PLCG1: variants seen among roughly 807,000 people sequenced by gnomAD.
The protein encoded by PLCG1 is phospholipase C gamma 1.
PLCG1 carries 71 observed loss-of-function variants against 177.8 expected under a neutral mutation model. That is an observed-to-expected ratio of 0.40 (90% confidence interval 0.33 to 0.49). The LOEUF (loss-of-function observed/expected upper bound fraction) is 0.49, where lower values mean the gene tolerates loss of function less well. PLCG1 is among the 20% of genes least tolerant of loss of function. The pLI, the probability that PLCG1 is intolerant of heterozygous loss-of-function variation, is 0.72. For missense variants in PLCG1, 1,281 were observed against 1,709.0 expected (o/e 0.75, Z 4.42); for synonymous variants, 658 against 647.9 (o/e 1.02, Z -0.24).
intron 1 of PLCG1, among the ~76,000 whole-genome samples, chr20:41,142,531 C>T (rs2034863140): frequency 6.6e-6 from 1 of 152,142 alleles, no homozygotes; most frequent in Non-Finnish European, 1.5e-5. Flanking sequence ...AGGGCCCAGA[C>T]AAGACCTTCT....
intron 1 of PLCG1, among the ~76,000 whole-genome samples, chr20:41,154,124 T>G (rs2035247862): frequency 6.6e-6 from 1 of 152,168 alleles, no homozygotes; most frequent in Admixed American, 6.5e-5. Context: ...ATGAAGAAAA[T>G]GAGGCTCAGA....
intron 1 of PLCG1, among the ~76,000 whole-genome samples, chr20:41,142,246 G>T (rs1195602553): frequency 6.6e-6 from 1 of 152,254 alleles, no homozygotes; most frequent in Non-Finnish European, 1.5e-5. Context: ...CTGTGCCGAG[G>T]CTAAGGAACT....
At chr20:41,162,224 G>GTTTTT in intron 4 of PLCG1, 1 of 314,330 alleles carries the variant, frequency 3.2e-6, no homozygotes, top group Admixed American at 5.2e-5. Flanking sequence ...TTTTTTGTTT[G>GTTTTT]TTTTGTTTTT....
In PLCG1 at chr20:41,165,134, A is replaced by G; in HGVS notation, c.1386+33A>G. ...GGCGGGCTTATTGCGGAAGCCCCAC[A>G]CTTCTCAGTGCCTTGCCCAGGCCAT... On this transcript the variant is annotated intron_variant, in intron 13 of 31. Coordinates refer to ENST00000685551, the MANE Select transcript of PLCG1 (RefSeq NM_002660.3). The surrounding 1 kb of genome is among the most constrained non-coding windows in gnomAD (Gnocchi z 6.6). 1 of 1,606,028 alleles carries G rather than the reference A, an allele frequency of 6.2e-7. No individual in the cohort carries two copies. The highest frequency in any genetic ancestry group is 8.5e-7 in the Non-Finnish European group (1 of 1,175,010).
Position 41,147,690 on chromosome 20 carries a change from A to C in PLCG1, c.217+9832A>C, listed in dbSNP as rs1043833274. On this transcript the variant is annotated intron_variant, in intron 1 of 31. Transcript: ENST00000685551. This position sits in a 1 kb window ranked among gnomAD's most constrained non-coding sequence, Gnocchi z 4.0. Reference sequence around the variant, plus strand: ...ATGGTGAAATCCCATCTCTACTAAAAATACAAAAATTAACCAGGCGTGGTG... The same window carrying C: ...ATGGTGAAATCCCATCTCTACTAAACATACAAAAATTAACCAGGCGTGGTG... 6.6e-6 allele frequency among the ~76,000 whole-genome samples: 1 copy of C among 152,128 alleles called. No individual in the cohort carries two copies. The highest frequency in any genetic ancestry group is 1.9e-4 in the East Asian group (1 of 5,192).
Position 41,166,804 on chromosome 20 carries a change from A to C in PLCG1, c.2246A>C (p.Lys749Thr). The change falls in exon 19 of 32, where the codon AAG (lysine) becomes ACG (threonine). Residue 749 changes from lysine to threonine, a missense_variant. This residue lies in a region of PLCG1 where 723 missense variants were observed against 1,030.0 expected (regional missense o/e 0.70). Transcript: ENST00000685551. The surrounding 1 kb of genome is among the most constrained non-coding windows in gnomAD (Gnocchi z 8.6). ...SYYEKHPLYR[K>T]MKLRYPINEE... ...TATGAGAAACACCCGCTATACCGCAAGATGAAGCTGCGCTATCCCATCAAC... is the reference window on the plus strand; with the variant it reads ...TATGAGAAACACCCGCTATACCGCACGATGAAGCTGCGCTATCCCATCAAC... 1 of 1,614,198 alleles carries C rather than the reference A, an allele frequency of 6.2e-7. No individual in the cohort carries two copies. The highest frequency in any genetic ancestry group is 8.5e-7 in the Non-Finnish European group (1 of 1,180,032).
intron 1 of PLCG1, among the ~76,000 whole-genome samples, chr20:41,155,613 C>T (rs2035296363): frequency 6.6e-6 from 1 of 152,152 alleles, no homozygotes; most frequent in Non-Finnish European, 1.5e-5. Context: ...TTTGAGCTGG[C>T]GAAATAGCTG....
intron 23 of PLCG1, 104 bp downstream of exon 23, chr20:41,169,630 G>A (rs923984028): frequency 1.1e-6 from 1 of 887,596 alleles, no homozygotes; most frequent in African/African-American, 1.7e-5. Context: ...GAACCCCAAA[G>A]TCTGCCCTCA....
In PLCG1 at chr20:41,150,138, C is replaced by A. The variant is rs1451264906; in HGVS notation, c.218-9468C>A. On this transcript the variant is annotated intron_variant, in intron 1 of 31. Coordinates refer to ENST00000685551, the MANE Select transcript of PLCG1 (RefSeq NM_002660.3). This position sits in a 1 kb window ranked among gnomAD's most constrained non-coding sequence, Gnocchi z 4.0. Reference sequence around the variant, plus strand: ...TGGGGAGGTAGAGGCTACAGTGAGCCCTGTTGGTGCCACTGCACTCCAGCC... The same window carrying A: ...TGGGGAGGTAGAGGCTACAGTGAGCACTGTTGGTGCCACTGCACTCCAGCC... 6.6e-6 allele frequency among the ~76,000 whole-genome samples: 1 copy of A among 151,916 alleles called. No homozygotes were observed. Among genetic ancestry groups the A allele is most frequent in the Non-Finnish European group, 1.5e-5 (1 of 67,996 alleles).
chr20:41,169,989 T>G, intron 23 of PLCG1, 123 bp from the exon 24 acceptor site: 6 of 851,294 alleles, frequency 7.0e-6, no homozygotes, highest in Non-Finnish European at 1.1e-5. Context: ...CTTCCCCTCA[T>G]GGGGTGTGGG....
In PLCG1 at chr20:41,169,765, C is replaced by T; in HGVS notation, c.2650+239C>T. 3 of 579,436 alleles carry T rather than the reference C, an allele frequency of 5.2e-6. 1 individual carries two copies. In the East Asian group the frequency reaches 8.5e-5, roughly 16 times the overall value. The allele number at this position is 579,436 out of a possible 1,614,324, so 35.9% of individuals were successfully genotyped here. ...GGGGAACCCGTCAGAATCAGCAGAA[C>T]AAAGTTGATGCTGCTGGTTGGCTGA... On this transcript the variant is annotated intron_variant, in intron 23 of 31. Coordinates refer to ENST00000685551, the MANE Select transcript of PLCG1 (RefSeq NM_002660.3).
At chr20:41,145,990 G>A (rs1306434606) in intron 1 of PLCG1, among the ~76,000 whole-genome samples, 1 of 152,174 alleles carries the variant, frequency 6.6e-6, no homozygotes, top group African/African-American at 2.4e-5. Context: ...CCTAGGAACC[G>A]GGCCCATCCT....
At position 41,156,942 on chromosome 20, in the gene PLCG1, G is replaced by A. The variant is rs984641124; in HGVS notation, c.218-2664G>A. Among the ~76,000 whole-genome samples the A allele has an allele frequency of 1.6e-4, 25 of 152,228 alleles. No homozygotes were observed. The highest frequency in any genetic ancestry group is 6.0e-4 in the African/African-American group (25 of 41,456). ...CTGCCATATTTGTTCTGGGAGGCAG[G>A]AAGATGAAGGGTGAGGTTGGGAGGT... is the stretch of plus-strand genomic sequence containing the variant. On this transcript the variant is annotated intron_variant, in intron 1 of 31. Transcript: ENST00000685551. This position sits in a 1 kb window ranked among gnomAD's most constrained non-coding sequence, Gnocchi z 5.0.
In PLCG1 at chr20:41,167,645, T is replaced by TA. The variant is rs2035745964; in HGVS notation, c.2302-206dup. The TA allele has an allele frequency of 6.9e-6, 4 of 580,934 alleles. No individual in the cohort carries two copies. Among genetic ancestry groups the TA allele is most frequent in the South Asian group, 4.2e-5 (2 of 48,134 alleles). The allele number at this position is 580,934 out of a possible 1,614,324, so 36.0% of individuals were successfully genotyped here. A position where few individuals can be genotyped will look rare whatever the true frequency, so the allele number is the denominator to read the frequency against. On this transcript the variant is annotated intron_variant, in intron 19 of 31. Transcript: ENST00000685551. This position sits in a 1 kb window ranked among gnomAD's most constrained non-coding sequence, Gnocchi z 4.4. ...GATTTTAGAATCCTGGGCTGGGCCT[T>TA]ACATGTAAGAATGTGAAGAAAGGAA...
rs2146046740 is a variant in PLCG1 at position 41,166,602 on chromosome 20, G to T, written c.2120+7G>T. 1.9e-6 allele frequency: 3 copies of T among 1,614,164 alleles called. No individual in the cohort carries two copies. Among genetic ancestry groups the T allele is most frequent in the Non-Finnish European group, 2.5e-6 (3 of 1,180,018 alleles). ...CATATGCCATCTCTTTCCGGTGAGG[G>T]GTGTGGCACTGGGTTGTGGGGCCTT... On this transcript the variant is annotated splice_region_variant and intron_variant, in intron 18 of 31. Coordinates refer to ENST00000685551, the MANE Select transcript of PLCG1 (RefSeq NM_002660.3). The surrounding 1 kb of genome is among the most constrained non-coding windows in gnomAD (Gnocchi z 8.6).
intron 1 of PLCG1, among the ~76,000 whole-genome samples, chr20:41,158,244 G>A (rs1600652034): frequency 1.3e-5 from 2 of 152,258 alleles, no homozygotes; most frequent in East Asian, 3.9e-4. Context: ...AGGCAGGTTG[G>A]TGTGCAGTTC....
Position 41,157,202 on chromosome 20 carries a change from C to CTGTGTGTGTGTGTG in PLCG1, c.218-2403_218-2402insGTGTGTGTGTGTGT, listed in dbSNP as rs1491358367. On this transcript the variant is annotated intron_variant, in intron 1 of 31. Transcript: ENST00000685551. This position sits in a 1 kb window ranked among gnomAD's most constrained non-coding sequence, Gnocchi z 5.4. ...ATGTGCAGGAGTGCAGGCCTGTTGA[C>CTGTGTGTGTGTGTG]TCTGTGTGTGTGTGTGTGTGTGTGT... is the stretch of plus-strand genomic sequence containing the variant. 6.7e-5 allele frequency among the ~76,000 whole-genome samples: 4 copies of CTGTGTGTGTGTGTG among 59,318 alleles called. No individual in the cohort carries two copies. The highest frequency in any genetic ancestry group is 2.0e-4 in the Admixed American group (1 of 5,046). 38.9% of individuals were successfully genotyped at this position (59,318 alleles called of 152,430 possible).
chr20:41,152,680 C>G (rs1268353722), intron 1 of PLCG1, among the ~76,000 whole-genome samples: 1 of 152,246 alleles, frequency 6.6e-6, no homozygotes, highest in Non-Finnish European at 1.5e-5. Flanking sequence ...TGAGGCCTCC[C>G]CAGGCCCTGG....
At chr20:41,140,052 T>C (rs1487224364) in intron 1 of PLCG1, among the ~76,000 whole-genome samples, 1 of 152,038 alleles carries the variant, frequency 6.6e-6, no homozygotes, top group Non-Finnish European at 1.5e-5. Flanking sequence ...CTCATGTATT[T>C]GGGGGATGGA....
Sources: gnomAD v4.1 joint callset for allele counts (sites outside exome capture counted in the v4.1 genomes callset) on GRCh38, gnomAD v4.1.1 for gene constraint, gnomAD v4.1.1 regional missense constraint, Gnocchi (gnomAD v3.1) non-coding constraint, MANE v1.5 for transcripts, NCBI Gene and HGNC (gene_info 2026-07-23, HGNC 2026-07-21) for gene names.